PTPRD: variants seen among roughly 807,000 people sequenced by gnomAD.
PTPRD encodes the protein receptor-type tyrosine-protein phosphatase delta.
Under a neutral mutation model 214.5 loss-of-function variants are expected in PTPRD, and 34 were observed. The observed-to-expected ratio is 0.16, with a 90% confidence interval of 0.12 to 0.21. PTPRD has a LOEUF of 0.21. PTPRD is among the 10% of genes least tolerant of loss of function. The pLI is 1.00. For missense variants in PTPRD, 2,545 were observed against 2,398.7 expected, an observed-to-expected ratio of 1.06 and a Z score of -1.27; for synonymous variants, 1,128 against 845.7, an observed-to-expected ratio of 1.33 and a Z score of -5.79.
chr9:8,853,394 G>C (rs1601924461), intron 11 of PTPRD, among the ~76,000 whole-genome samples: 1 of 152,216 alleles, frequency 6.6e-6, no homozygotes, highest in East Asian at 1.9e-4. Flanking sequence ...TAATTGTGGA[G>C]AGTTGAAATC....
At chr9:9,921,777 A>T (rs192297118) in intron 5 of PTPRD, among the ~76,000 whole-genome samples, 4 of 152,098 alleles carry the variant, frequency 2.6e-5, no homozygotes, top group Admixed American at 6.6e-5. Context: ...TAAAGATAGT[A>T]GAAAAGACAA....
intron 44 of PTPRD, among the ~76,000 whole-genome samples, chr9:8,330,414 T>TG (rs890993926): frequency 6.6e-6 from 1 of 152,136 alleles, no homozygotes; most frequent in African/African-American, 2.4e-5. Flanking sequence ...TTATATGCAC[T>TG]GGGAAACCAA....
chr9:9,114,721 T>C (rs1396829310), intron 10 of PTPRD, among the ~76,000 whole-genome samples: 5 of 152,060 alleles, frequency 3.3e-5, no homozygotes, highest in African/African-American at 7.2e-5. Flanking sequence ...AAAAAATCAA[T>C]GTAACCCTTT....
chr9:9,215,624 G>A (rs2099951657), intron 9 of PTPRD, among the ~76,000 whole-genome samples: 1 of 152,126 alleles, frequency 6.6e-6, no homozygotes, highest in South Asian at 2.1e-4. Flanking sequence ...GCACAGTGAG[G>A]TGGAGTTGGG....
At chr9:9,366,166 C>T (rs1015598778) in intron 9 of PTPRD, among the ~76,000 whole-genome samples, 1 of 151,264 alleles carries the variant, frequency 6.6e-6, no homozygotes, top group Non-Finnish European at 1.5e-5. Context: ...TACCAACTGA[C>T]CAATTTTATT....
At chr9:10,116,870 T>G (rs778746697) in intron 3 of PTPRD, among the ~76,000 whole-genome samples, 4 of 152,128 alleles carry the variant, frequency 2.6e-5, no homozygotes, top group Non-Finnish European at 5.9e-5. Flanking sequence ...CTCTTCCTTC[T>G]GCCTGGAATT....
At chr9:9,923,949 G>T (rs1348777202) in intron 5 of PTPRD, among the ~76,000 whole-genome samples, 1 of 151,842 alleles carries the variant, frequency 6.6e-6, no homozygotes, top group Non-Finnish European at 1.5e-5. Context: ...AAAGGCTAGA[G>T]GAGTGAAATC....
chr9:8,425,181 A>G (rs997521836), intron 35 of PTPRD, among the ~76,000 whole-genome samples: 2 of 152,226 alleles, frequency 1.3e-5, no homozygotes, highest in African/African-American at 2.4e-5. Context: ...ATGCTGGGTT[A>G]CATCAGGCTC....
intron 3 of PTPRD, among the ~76,000 whole-genome samples, chr9:10,156,704 C>T (rs949552597): frequency 6.6e-6 from 1 of 152,140 alleles, no homozygotes; most frequent in African/African-American, 2.4e-5. Context: ...TTTTCTGCCT[C>T]AGTGTTCTGT....
At chr9:9,156,972 G>A (rs1194605254) in intron 10 of PTPRD, among the ~76,000 whole-genome samples, 1 of 152,126 alleles carries the variant, frequency 6.6e-6, no homozygotes, top group Non-Finnish European at 1.5e-5. Context: ...CTCATTCTCT[G>A]CTACCAAGTG....
Position 10,540,165 on chromosome 9 carries a change from G to A in PTPRD, c.-600+72233C>T, listed in dbSNP as rs377266550. Among the ~76,000 whole-genome samples the A allele has an allele frequency of 1.2e-3, 177 of 152,168 alleles. 2 individuals are homozygous for A. The highest frequency in any genetic ancestry group is 4.1e-3 in the African/African-American group (172 of 41,524). The stretch of plus-strand genomic sequence containing the variant: ...CTCCCTCAGCCTCCAGAGTAGTTGG[G>A]ACAACTGGCGTGCACCACTATGCCC... On this transcript the variant is annotated intron_variant, in intron 2 of 45. Transcript: ENST00000381196.
intron 12 of PTPRD, among the ~76,000 whole-genome samples, chr9:8,733,120 T>C (rs979851543): frequency 1.4e-4 from 22 of 152,192 alleles, no homozygotes; most frequent in Admixed American, 3.3e-4. Context: ...GAAGATGTGA[T>C]CTTCTCATTA....
At chr9:8,399,096 CTTT>C (rs371669292) in intron 36 of PTPRD, among the ~76,000 whole-genome samples, 23 of 137,734 alleles carry the variant, frequency 1.7e-4, no homozygotes, top group East Asian at 8.4e-4. Flanking sequence ...GCCCACTAAG[CTTT>C]TTTTTTTTTT....
Position 9,378,223 on chromosome 9 carries a change from G to A in PTPRD, c.-203+19226C>T, listed in dbSNP as rs145470278. 3.3e-3 allele frequency among the ~76,000 whole-genome samples: 508 copies of A among 152,134 alleles called. 1 individual carries two copies. Among genetic ancestry groups the A allele is most frequent in the African/African-American group, 0.011 (467 of 41,520 alleles). ...CTGCAACCCCTGGCAACCACTGATC[G>A]TTAAATATCTCCATAATTTTGGCTT... On this transcript the variant is annotated intron_variant, in intron 9 of 45. Coordinates refer to ENST00000381196, the MANE Select transcript of PTPRD (RefSeq NM_002839.4).
At chr9:9,055,863 T>G (rs1170860201) in intron 10 of PTPRD, among the ~76,000 whole-genome samples, 1 of 151,092 alleles carries the variant, frequency 6.6e-6, no homozygotes, top group South Asian at 2.1e-4. Flanking sequence ...TACATATGCA[T>G]TATATATGTT....
At chr9:9,667,706 A>G (rs1321196164) in intron 7 of PTPRD, among the ~76,000 whole-genome samples, 1 of 152,128 alleles carries the variant, frequency 6.6e-6, no homozygotes, top group African/African-American at 2.4e-5. Context: ...ATGTTTAGAG[A>G]ACTGGTCACC....
At chr9:8,722,123 CTGTGTGTGTGTGTGTGTG>C (rs34720946) in intron 12 of PTPRD, among the ~76,000 whole-genome samples, 60 of 147,482 alleles carry the variant, frequency 4.1e-4, no homozygotes, top group African/African-American at 1.4e-3. Context: ...AAGTATTACT[CTGTGTGTGTGTGTGTGTG>C]TGTGTGTGTG....
intron 14 of PTPRD, among the ~76,000 whole-genome samples, chr9:8,600,236 T>C (rs2094760102): frequency 1.3e-5 from 2 of 152,274 alleles, no homozygotes; most frequent in African/African-American, 2.4e-5. Context: ...ACGGAGGGGA[T>C]TGCCCATCCC....
intron 5 of PTPRD, among the ~76,000 whole-genome samples, chr9:9,833,680 G>GT (rs766682043): frequency 1.4e-5 from 2 of 141,526 alleles, no homozygotes; most frequent in South Asian, 2.4e-4. Flanking sequence ...GTACGCTCCG[G>GT]AGAGGGGGGC....
Sources: gnomAD v4.1 joint callset for allele counts (sites outside exome capture counted in the v4.1 genomes callset) on GRCh38, gnomAD v4.1.1 for gene constraint, MANE v1.5 for transcripts, NCBI Gene and HGNC (gene_info 2026-07-23, HGNC 2026-07-21) for gene names.